Variants in MYOCOS observed in about 807,000 individuals in gnomAD.
The protein encoded by MYOCOS is myocilin opposite strand protein.
upstream of MYOCOS, among the ~76,000 whole-genome samples, chr1:171,619,915 T>C (rs978124251): frequency 2.6e-5 from 4 of 151,308 alleles, no homozygotes; most frequent in Non-Finnish European, 5.9e-5. Flanking sequence ...TAATTGCTTC[T>C]GACATATTCA....
chr1:171,605,331 A>G (rs183337528), intron 1 of MYOCOS, among the ~76,000 whole-genome samples: 6 of 151,462 alleles, frequency 4.0e-5, no homozygotes, highest in Admixed American at 2.0e-4. Flanking sequence ...CTCATTCTGT[A>G]GGATGACTTA....
intron 1 of MYOCOS, chr1:171,614,688 G>T (rs1652417486): frequency 6.6e-6 from 1 of 152,242 alleles, no homozygotes; most frequent in African/African-American, 2.4e-5. Context: ...CTGGAAAGGG[G>T]ATGTGGATGG....
chr1:171,612,846 A>AC (rs1652380522), intron 1 of MYOCOS, among the ~76,000 whole-genome samples: 1 of 152,120 alleles, frequency 6.6e-6, no homozygotes, highest in Non-Finnish European at 1.5e-5. Flanking sequence ...AAACAAAACA[A>AC]AACAACAACA....
chr1:171,625,967 AT>A (rs1415079533), intron 2 of MYOCOS, among the ~76,000 whole-genome samples: 3 of 152,212 alleles, frequency 2.0e-5, no homozygotes, highest in Non-Finnish European at 4.4e-5. Flanking sequence ...CTGACTGACA[AT>A]TAAAGTATAT....
chr1:171,621,228 A>G (rs1652561967), upstream of MYOCOS, among the ~76,000 whole-genome samples: 1 of 152,098 alleles, frequency 6.6e-6, no homozygotes, highest in East Asian at 1.9e-4. Flanking sequence ...AATCTCTTCA[A>G]ATATTTTACA....
chr1:171,611,861 C>T (rs1408621016), intron 1 of MYOCOS, among the ~76,000 whole-genome samples: 1 of 148,992 alleles, frequency 6.7e-6, no homozygotes, highest in African/African-American at 2.6e-5. Flanking sequence ...CCCCAGACCT[C>T]TGGATCCCTA....
chr1:171,613,147 T>C (rs1164783366), intron 1 of MYOCOS, among the ~76,000 whole-genome samples: 1 of 152,178 alleles, frequency 6.6e-6, no homozygotes, highest in Non-Finnish European at 1.5e-5. Flanking sequence ...TGACTAAATG[T>C]CCCTAGATCT....
At chr1:171,616,115 G>A (rs1328240020) in intron 2 of MYOCOS, among the ~76,000 whole-genome samples, 2 of 152,162 alleles carry the variant, frequency 1.3e-5, no homozygotes, top group African/African-American at 4.8e-5. Flanking sequence ...TACTTGTGAA[G>A]CTGAAGCAGG....
At chr1:171,613,788 T>A (rs1375547110) in intron 1 of MYOCOS, among the ~76,000 whole-genome samples, 3 of 152,104 alleles carry the variant, frequency 2.0e-5, no homozygotes, top group Admixed American at 6.6e-5. Flanking sequence ...GCTCAAGCAA[T>A]CCTCCCAAAG....
chr1:171,607,307 A>G (rs1652268985), intron 1 of MYOCOS, among the ~76,000 whole-genome samples: 1 of 152,198 alleles, frequency 6.6e-6, no homozygotes, highest in Non-Finnish European at 1.5e-5. Flanking sequence ...ATACACATCT[A>G]AGTCTAAACC....
intron 1 of MYOCOS, among the ~76,000 whole-genome samples, chr1:171,613,062 A>G (rs1006791755): frequency 2.6e-5 from 4 of 152,270 alleles, no homozygotes; most frequent in Middle Eastern, 3.4e-3. Context: ...TTTGAATACC[A>G]GTGTCATCTT....
chr1:171,615,972 C>T (rs1272539564), intron 2 of MYOCOS, among the ~76,000 whole-genome samples: 1 of 152,150 alleles, frequency 6.6e-6, no homozygotes, highest in Non-Finnish European at 1.5e-5. Flanking sequence ...AATCCCAGGG[C>T]TTTGGGAGGC....
upstream of MYOCOS, among the ~76,000 whole-genome samples, chr1:171,618,935 T>C (rs2102937560): frequency 6.6e-6 from 1 of 152,264 alleles, no homozygotes; most frequent in East Asian, 1.9e-4. Context: ...TCTTTTGACA[T>C]GAGTATCCTC....
At chr1:171,619,984 A>G (rs1652523757), upstream of MYOCOS, among the ~76,000 whole-genome samples, 1 of 150,462 alleles carries the variant, frequency 6.6e-6, no homozygotes, top group Admixed American at 6.6e-5. Flanking sequence ...TGGGATTCAG[A>G]CTGGCATTTC....
At chr1:171,606,124 A>G (rs752655937) in intron 1 of MYOCOS, among the ~76,000 whole-genome samples, 10 of 152,238 alleles carry the variant, frequency 6.6e-5, no homozygotes, top group Non-Finnish European at 1.2e-4. Flanking sequence ...TAAAACTCTT[A>G]TAATAGGAGT....
chr1:171,624,904 G>C (rs1652664553), intron 2 of MYOCOS, among the ~76,000 whole-genome samples: 1 of 152,048 alleles, frequency 6.6e-6, no homozygotes, highest in Admixed American at 6.6e-5. Flanking sequence ...CCTCTAGCTT[G>C]AGCTCTTTGT....
In MYOCOS at chr1:171,626,134, G is replaced by A. The variant is rs551672989; in HGVS notation, c.96-320G>A. Reference sequence around the variant, plus strand: ...GTCTCACTCTGTCACCCAAGCTAGCGTGCAGTGGTGCAATCATAGCTCACT... The same window carrying A: ...GTCTCACTCTGTCACCCAAGCTAGCATGCAGTGGTGCAATCATAGCTCACT... On this transcript the variant is annotated intron_variant, in intron 2 of 2. Coordinates refer to ENST00000637642, the MANE Select transcript of MYOCOS (RefSeq NM_001391940.1). 2.2e-4 allele frequency among the ~76,000 whole-genome samples: 34 copies of A among 152,242 alleles called. 1 individual carries two copies. The highest frequency in any genetic ancestry group is 1.0e-3 in the South Asian group (5 of 4,816).
chr1:171,621,156 A>G (rs951453256), upstream of MYOCOS, among the ~76,000 whole-genome samples: 1 of 152,108 alleles, frequency 6.6e-6, no homozygotes, highest in Non-Finnish European at 1.5e-5. Context: ...CAACTTGGGC[A>G]CGTGTTCTCA....
chr1:171,623,817 A>G, intron 1 of MYOCOS, 24 bp from the exon 2 acceptor site: 1 of 398,368 alleles, frequency 2.5e-6, no homozygotes, highest in Admixed American at 4.4e-5. Context: ...CATGTGTGCC[A>G]GCTCTTGTGT....
Sources: allele counts gnomAD v4.1 joint callset (sites outside exome capture counted in the v4.1 genomes callset), GRCh38; gene constraint gnomAD v4.1.1; transcripts MANE v1.5; gene names NCBI Gene and HGNC (gene_info 2026-07-23, HGNC 2026-07-21).